The following PTPRD variants were observed in gnomAD, a reference collection of about 807,000 sequenced individuals.
The protein encoded by PTPRD is receptor-type tyrosine-protein phosphatase delta.
PTPRD carries 34 observed loss-of-function variants against 214.5 expected under a neutral mutation model. The ratio of observed to expected loss-of-function variants is 0.16; its 90% CI spans 0.12 to 0.21. The LOEUF (loss-of-function observed/expected upper bound fraction) is 0.21. Ranked by LOEUF, PTPRD falls within the 10% of genes least tolerant of loss-of-function variation. The pLI, the probability that PTPRD is intolerant of heterozygous loss-of-function variation, is 1.00. For synonymous variants in PTPRD, 1,128 were observed against 845.7 expected, an observed-to-expected ratio of 1.33 and a Z score of -5.79; for missense variants, 2,545 against 2,398.7, an observed-to-expected ratio of 1.06 and a Z score of -1.27.
intron 7 of PTPRD, among the ~76,000 whole-genome samples, chr9:9,600,347 A>G (rs1237641534): frequency 6.6e-6 from 1 of 152,136 alleles, no homozygotes; most frequent in African/African-American, 2.4e-5. Flanking sequence ...ATGAAAAGAT[A>G]CAACTGTAAT....
rs1352850732 is a variant in PTPRD at position 8,439,499 on chromosome 9, T to C, written c.3989-2810A>G. The stretch of plus-strand genomic sequence containing the variant: ...GGAAAACTAGTATGCAGTTGAATTG[T>C]TTATTTTTTGAACTATTTAAGTTTG... On this transcript the variant is annotated intron_variant, in intron 34 of 45. Coordinates refer to ENST00000381196, the MANE Select transcript of PTPRD (RefSeq NM_002839.4). Among the ~76,000 whole-genome samples the C allele has an allele frequency of 2.0e-5, 3 of 152,220 alleles. No individual in the cohort carries two copies. In the East Asian group the frequency reaches 5.8e-4, roughly 29 times the overall value.
chr9:8,623,559 CTT>C (rs1221961799), intron 14 of PTPRD, among the ~76,000 whole-genome samples: 1 of 151,842 alleles, frequency 6.6e-6, no homozygotes, highest in Non-Finnish European at 1.5e-5. Context: ...GAAATTAACT[CTT>C]AATAATAATC....
intron 8 of PTPRD, among the ~76,000 whole-genome samples, chr9:9,469,045 T>C (rs1556464): frequency 6.6e-6 from 1 of 152,012 alleles, no homozygotes; most frequent in Non-Finnish European, 1.5e-5. Flanking sequence ...GCTACATTTG[T>C]GGTCATAAAG....
rs144005204 is a variant in PTPRD at position 9,384,796 on chromosome 9, G to C, written c.-203+12653C>G. Among the ~76,000 whole-genome samples, 511 of 151,956 alleles carry C rather than the reference G, an allele frequency of 3.4e-3. 1 individual carries two copies. Among genetic ancestry groups the C allele is most frequent in the African/African-American group, 0.012 (478 of 41,478 alleles). ...TTTCATGCTTCACTATTTGTTTTCA[G>C]ATTTTTAGTGATATTTCTATTTGGT... On this transcript the variant is annotated intron_variant, in intron 9 of 45. Coordinates refer to ENST00000381196, the MANE Select transcript of PTPRD (RefSeq NM_002839.4).
intron 2 of PTPRD, among the ~76,000 whole-genome samples, chr9:10,468,545 G>A (rs1229610656): frequency 1.3e-5 from 2 of 152,158 alleles, no homozygotes; most frequent in African/African-American, 4.8e-5. Flanking sequence ...AATACTTAAT[G>A]TAGATGATGG....
chr9:8,734,779 T>G (rs2098699784), intron 11 of PTPRD, among the ~76,000 whole-genome samples: 1 of 152,162 alleles, frequency 6.6e-6, no homozygotes, highest in South Asian at 2.1e-4. Context: ...ACCAGATGAT[T>G]AGTACAATTT....
At chr9:8,318,710 T>G (rs1046859916) in intron 45 of PTPRD, among the ~76,000 whole-genome samples, 58 of 151,998 alleles carry the variant, frequency 3.8e-4, no homozygotes, top group African/African-American at 1.4e-3. Context: ...AGTTGTCTGT[T>G]TTAGAGAGGC....
intron 9 of PTPRD, among the ~76,000 whole-genome samples, chr9:9,213,143 C>T (rs555350251): frequency 2.0e-5 from 3 of 152,164 alleles, no homozygotes; most frequent in African/African-American, 7.2e-5. Flanking sequence ...TCTCAAGGTG[C>T]TCTTATATAC....
At chr9:8,844,012 C>T (rs2097631568) in intron 11 of PTPRD, among the ~76,000 whole-genome samples, 1 of 152,116 alleles carries the variant, frequency 6.6e-6, no homozygotes, top group South Asian at 2.1e-4. Context: ...GATGAAGAAG[C>T]CAGCATGGCA....
chr9:9,807,074 A>G (rs755042034), intron 5 of PTPRD, among the ~76,000 whole-genome samples: 1 of 152,118 alleles, frequency 6.6e-6, no homozygotes, highest in Non-Finnish European at 1.5e-5. Context: ...CCCTCTTCCA[A>G]GTATATTTCT....
At chr9:9,955,368 A>G (rs766117741) in intron 4 of PTPRD, among the ~76,000 whole-genome samples, 1 of 152,134 alleles carries the variant, frequency 6.6e-6, no homozygotes, top group South Asian at 2.1e-4. Flanking sequence ...ATAAATTTTT[A>G]CTTCCTTTTT....
intron 8 of PTPRD, among the ~76,000 whole-genome samples, chr9:9,440,409 G>A (rs796712253): frequency 8.5e-5 from 13 of 152,256 alleles, no homozygotes; most frequent in African/African-American, 3.1e-4. Flanking sequence ...AAGTGAAAAG[G>A]TAGAAAGGGG....
chr9:8,865,381 T>C (rs2098178391), intron 11 of PTPRD, among the ~76,000 whole-genome samples: 1 of 152,126 alleles, frequency 6.6e-6, no homozygotes, highest in Admixed American at 6.6e-5. Flanking sequence ...GTCATAGGGC[T>C]TTAAGCACAA....
intron 2 of PTPRD, among the ~76,000 whole-genome samples, chr9:10,547,225 A>C (rs544955892): frequency 6.6e-6 from 1 of 152,240 alleles, no homozygotes; most frequent in South Asian, 2.1e-4. Context: ...AATTTCACAA[A>C]TTGTTCTCAT....
Position 8,331,543 on chromosome 9 carries a change from C to T in PTPRD, c.5534+39G>A, listed in dbSNP as rs753481338. ...GTGTATACAGACAATGAAGAAACAC[C>T]ACCACTTATCACTGCTTTATTCACA... On this transcript the variant is annotated intron_variant, in intron 44 of 45. Transcript: ENST00000381196. 8.8e-6 allele frequency: 9 copies of T among 1,023,508 alleles called. No individual in the cohort carries two copies. The East Asian group carries it at 1.9e-4, about 22-fold the overall frequency. The allele number at this position is 1,023,508 out of a possible 1,614,324, so 63.4% of individuals were successfully genotyped here.
intron 22 of PTPRD, among the ~76,000 whole-genome samples, chr9:8,506,673 A>C (rs911400052): frequency 9.9e-5 from 15 of 151,728 alleles, no homozygotes; most frequent in Non-Finnish European, 1.9e-4. Context: ...TGATGGTGAA[A>C]CCCTTAGAAC....
At chr9:9,610,336 A>T (rs1408320199) in intron 7 of PTPRD, among the ~76,000 whole-genome samples, 2 of 152,210 alleles carry the variant, frequency 1.3e-5, no homozygotes, top group Non-Finnish European at 1.5e-5. Context: ...TAGATCACAC[A>T]GTTGTAGGTA....
intron 4 of PTPRD, among the ~76,000 whole-genome samples, chr9:9,967,772 G>A (rs1374396103): frequency 6.6e-6 from 1 of 152,090 alleles, no homozygotes; most frequent in African/African-American, 2.4e-5. Context: ...TATAGACATT[G>A]AACATGCGTA....
intron 7 of PTPRD, among the ~76,000 whole-genome samples, chr9:9,638,251 T>A (rs562306127): frequency 6.6e-6 from 1 of 152,284 alleles, no homozygotes; most frequent in East Asian, 1.9e-4. Flanking sequence ...CATTTCTCTC[T>A]TTTCACATTT....
Sources: gnomAD v4.1 joint callset for allele counts (sites outside exome capture counted in the v4.1 genomes callset) on GRCh38, gnomAD v4.1.1 for gene constraint, MANE v1.5 for transcripts, NCBI Gene and HGNC (gene_info 2026-07-23, HGNC 2026-07-21) for gene names.